The following PDE7B variants were observed in gnomAD, a reference collection of about 807,000 sequenced individuals.
The protein encoded by PDE7B is phosphodiesterase 7B.
A neutral mutation model predicts 56.2 loss-of-function variants in PDE7B; 29 were observed. That is an observed-to-expected ratio of 0.52 (90% CI 0.38 to 0.70). PDE7B has a LOEUF of 0.70. PDE7B is among the 30% of genes least tolerant of loss of function. The pLI, the probability that PDE7B is intolerant of heterozygous loss-of-function variation, is 0.00. For missense variants in PDE7B, 490 were observed against 565.0 expected, an observed-to-expected ratio of 0.87 and a Z score of 1.35; for synonymous variants, 197 against 196.9, an observed-to-expected ratio of 1.00 and a Z score of 0.00.
chr6:136,140,743 A>T (rs1265635219), intron 3 of PDE7B, among the ~76,000 whole-genome samples: 2 of 152,104 alleles, frequency 1.3e-5, no homozygotes, highest in Non-Finnish European at 2.9e-5. Flanking sequence ...TGTGAATGGG[A>T]GTTCACTCAT....
intron 2 of PDE7B, among the ~76,000 whole-genome samples, chr6:136,006,886 T>A (rs907258807): frequency 6.6e-6 from 1 of 152,046 alleles, no homozygotes; most frequent in Non-Finnish European, 1.5e-5. Context: ...TCTTTTCCAA[T>A]TTAGATGCCT....
chr6:136,003,039 T>G (rs1775704070), intron 2 of PDE7B, among the ~76,000 whole-genome samples: 1 of 151,786 alleles, frequency 6.6e-6, no homozygotes, highest in African/African-American at 2.4e-5. Context: ...AACTCAGGAT[T>G]AAGAAACTCA....
intron 2 of PDE7B, among the ~76,000 whole-genome samples, chr6:136,084,382 AATAT>A (rs1014153274): frequency 2.0e-5 from 3 of 152,194 alleles, no homozygotes; most frequent in Non-Finnish European, 4.4e-5. Context: ...CTGTGCCAGA[AATAT>A]ATATTCAGCT....
chr6:136,087,786 G>A lies in PDE7B; in HGVS notation c.83-20945G>A, dbSNP rs138342005. On this transcript the variant is annotated intron_variant, in intron 2 of 12. Transcript: ENST00000308191. ...GTATATACATAGTCCTACTTTGAGGGCAGTGTTGTTCTCGCATTCTGGTTT... is the reference window on the plus strand; with the variant it reads ...GTATATACATAGTCCTACTTTGAGGACAGTGTTGTTCTCGCATTCTGGTTT... Among the ~76,000 whole-genome samples, 415 of 152,292 alleles carry A rather than the reference G, an allele frequency of 2.7e-3. 1 individual carries two copies. Among genetic ancestry groups the A allele is most frequent in the Non-Finnish European group, 4.8e-3 (329 of 68,026 alleles).
intron 2 of PDE7B, among the ~76,000 whole-genome samples, chr6:136,060,428 A>G (rs1776818246): frequency 6.6e-6 from 1 of 152,216 alleles, no homozygotes; most frequent in South Asian, 2.1e-4. Flanking sequence ...AGAAGTATGT[A>G]AGTAAGAACC....
intron 11 of PDE7B, among the ~76,000 whole-genome samples, chr6:136,186,208 A>G (rs6914602): frequency 0.14 from 21,634 of 151,972 alleles, 4,348 homozygotes; most frequent in African/African-American, 0.45. Context: ...TTGAGCTCAG[A>G]AGATTAAGAC....
At chr6:136,086,828 A>G (rs1777300778) in intron 2 of PDE7B, among the ~76,000 whole-genome samples, 1 of 152,248 alleles carries the variant, frequency 6.6e-6, no homozygotes, top group Non-Finnish European at 1.5e-5. Context: ...TAAGTAAAGC[A>G]GTGTGTGTAC....
chr6:136,183,493 G>T (rs550997336), intron 11 of PDE7B, among the ~76,000 whole-genome samples: 78 of 150,612 alleles, frequency 5.2e-4, no homozygotes, highest in Admixed American at 1.0e-3. Flanking sequence ...TTACTTGGGA[G>T]GCTGAGGCAG....
At chr6:136,183,486 C>T (rs1053100840) in intron 11 of PDE7B, among the ~76,000 whole-genome samples, 1 of 149,682 alleles carries the variant, frequency 6.7e-6, no homozygotes, top group African/African-American at 2.5e-5. Flanking sequence ...GTCCCAGTTA[C>T]TTGGGAGGCT....
intron 2 of PDE7B, among the ~76,000 whole-genome samples, chr6:135,948,843 C>CTAGATAGATAGA (rs35143164): frequency 7.6e-6 from 1 of 132,342 alleles, no homozygotes. Flanking sequence ...ATTTCAGGTA[C>CTAGATAGATAGA]TAGATAGATA....
intron 2 of PDE7B, among the ~76,000 whole-genome samples, chr6:136,068,423 C>CTT (rs33992191): frequency 4.1e-3 from 327 of 79,504 alleles, no homozygotes; most frequent in East Asian, 5.8e-3. Context: ...ACCAAGATTC[C>CTT]TTTTTTTTTT....
chr6:136,080,340 A>T (rs982370301), intron 2 of PDE7B, among the ~76,000 whole-genome samples: 1 of 152,224 alleles, frequency 6.6e-6, no homozygotes, highest in Non-Finnish European at 1.5e-5. Flanking sequence ...AAGTTTGGCA[A>T]TGAGAACAAA....
intron 11 of PDE7B, among the ~76,000 whole-genome samples, chr6:136,183,424 T>G (rs1424145430): frequency 6.6e-6 from 1 of 151,456 alleles, no homozygotes; most frequent in African/African-American, 2.4e-5. Flanking sequence ...AAACCCCGTC[T>G]CTACTAAAAA....
At chr6:135,983,567 G>T (rs1425598393) in intron 2 of PDE7B, among the ~76,000 whole-genome samples, 2 of 152,084 alleles carry the variant, frequency 1.3e-5, no homozygotes, top group African/African-American at 4.8e-5. Context: ...GCCTATAAAG[G>T]TTTTTTAAAA....
chr6:135,909,620 TAATA>T (rs1004856125), intron 1 of PDE7B, among the ~76,000 whole-genome samples: 42 of 74,056 alleles, frequency 5.7e-4, no homozygotes, highest in Admixed American at 3.9e-3. Context: ...AATAAATAAA[TAATA>T]AATAAATAAA....
chr6:136,067,398 C>T (rs977991986), intron 2 of PDE7B, among the ~76,000 whole-genome samples: 1 of 152,064 alleles, frequency 6.6e-6, no homozygotes, highest in African/African-American at 2.4e-5. Context: ...TTTCCATTGC[C>T]CACTTTCAAA....
intron 2 of PDE7B, among the ~76,000 whole-genome samples, chr6:136,069,945 C>A (rs1777018115): frequency 6.6e-6 from 1 of 152,026 alleles, no homozygotes; most frequent in African/African-American, 2.4e-5. Context: ...AAACAGAAAT[C>A]TGAATTCAAA....
At chr6:136,078,986 A>T (rs954005605) in intron 2 of PDE7B, among the ~76,000 whole-genome samples, 1 of 152,144 alleles carries the variant, frequency 6.6e-6, no homozygotes, top group African/African-American at 2.4e-5. Context: ...GGATTATAAA[A>T]TTGGGGTTAT....
chr6:136,148,748 G>A (rs551310770), intron 4 of PDE7B, among the ~76,000 whole-genome samples: 1 of 152,294 alleles, frequency 6.6e-6, no homozygotes, highest in East Asian at 1.9e-4. Context: ...AAGGTGGTGT[G>A]AGATGTGGAA....
Sources: gnomAD v4.1 joint callset for allele counts (sites outside exome capture counted in the v4.1 genomes callset) on GRCh38, gnomAD v4.1.1 for gene constraint, MANE v1.5 for transcripts, NCBI Gene and HGNC (gene_info 2026-07-23, HGNC 2026-07-21) for gene names.